Variants in IAPP observed in about 807,000 individuals in gnomAD.
IAPP encodes the protein Islet amyloid polypeptide (diabetes-associated peptide; amylin).
Under a neutral mutation model 2.9 loss-of-function variants are expected in IAPP, and 4 were observed. The ratio of observed to expected loss-of-function variants is 1.39; its 90% confidence interval spans 0.69 to 3.19. The LOEUF is 3.19. Ranked by LOEUF, IAPP falls within the 30% of genes most tolerant of loss-of-function variation. IAPP has a pLI of 0.01. For synonymous variants in IAPP, 40 were observed against 42.1 expected, an observed-to-expected ratio of 0.95 and a Z score of 0.19; for missense variants, 114 against 105.3, an observed-to-expected ratio of 1.08 and a Z score of -0.36.
intron 2 of IAPP, chr12:21,376,464 A>T (rs1940200352): frequency 5.6e-6 from 1 of 179,286 alleles, no homozygotes; most frequent in Non-Finnish European, 1.2e-5. Flanking sequence ...TATTTATGGT[A>T]CCTTCAAAAA....
intron 1 of IAPP, among the ~76,000 whole-genome samples, chr12:21,356,481 A>C (rs1342687609): frequency 3.3e-5 from 5 of 152,004 alleles, no homozygotes; most frequent in Non-Finnish European, 5.9e-5. Context: ...AGTGGGATAC[A>C]AAAGAAAAAA....
chr12:21,368,044 T>C (rs754458031), upstream of IAPP, among the ~76,000 whole-genome samples: 1 of 152,134 alleles, frequency 6.6e-6, no homozygotes, highest in Non-Finnish European at 1.5e-5. Flanking sequence ...TCAGCAAAGA[T>C]TGCTAAAACC....
rs543173463 is a variant in IAPP, at chr12:21,359,508, T to C, written c.-16+4495T>C. On this transcript the variant is annotated intron_variant, in intron 1 of 2. Transcript: ENST00000539393. The stretch of plus-strand genomic sequence containing the variant: ...TTCTTCCTACCCAATAACCTTGCAA[T>C]GAAATCCACCATTTGGCAAGCCATG... Among the ~76,000 whole-genome samples, 3 of 152,200 alleles carry C rather than the reference T, an allele frequency of 2.0e-5. No homozygotes were observed. The South Asian group carries it at 6.2e-4, about 32-fold the overall frequency.
At chr12:21,371,188 T>C (rs1043194403), upstream of IAPP, among the ~76,000 whole-genome samples, 6 of 152,166 alleles carry the variant, frequency 3.9e-5, no homozygotes, top group Admixed American at 6.6e-5. Flanking sequence ...CAGTAACTCC[T>C]GGGTGTTGTT....
chr12:21,364,743 T>A (rs1367765566), intron 1 of IAPP, among the ~76,000 whole-genome samples: 1 of 152,144 alleles, frequency 6.6e-6, no homozygotes. Context: ...AGCATTCCTA[T>A]ACACCAATAA....
upstream of IAPP, among the ~76,000 whole-genome samples, chr12:21,371,692 C>T (rs193122181): frequency 1.9e-3 from 294 of 152,038 alleles, no homozygotes; most frequent in African/African-American, 6.7e-3. Flanking sequence ...ACTAAGATAC[C>T]AAATATAATT....
chr12:21,365,958 A>G (rs911859524), intron 1 of IAPP, among the ~76,000 whole-genome samples: 1 of 152,226 alleles, frequency 6.6e-6, no homozygotes, highest in African/African-American at 2.4e-5. Flanking sequence ...GTGGGACTGT[A>G]AAGTAGTTCA....
At chr12:21,364,701 T>G (rs1043084630) in intron 1 of IAPP, among the ~76,000 whole-genome samples, 1 of 152,152 alleles carries the variant, frequency 6.6e-6, no homozygotes, top group African/African-American at 2.4e-5. Flanking sequence ...CAGCAAAATC[T>G]CAGGATACAA....
At chr12:21,360,508 T>C (rs959713163) in intron 1 of IAPP, among the ~76,000 whole-genome samples, 7 of 152,220 alleles carry the variant, frequency 4.6e-5, no homozygotes, top group South Asian at 2.1e-4. Context: ...TGGTGATTTC[T>C]GCATTTCCAA....
chr12:21,369,067 G>A (rs1412574698), upstream of IAPP, among the ~76,000 whole-genome samples: 1 of 152,086 alleles, frequency 6.6e-6, no homozygotes, highest in African/African-American at 2.4e-5. Flanking sequence ...AGGAACTACT[G>A]TGTTTATTAT....
At chr12:21,363,043 AC>A (rs1939057401) in intron 1 of IAPP, among the ~76,000 whole-genome samples, 1 of 152,212 alleles carries the variant, frequency 6.6e-6, no homozygotes, top group Admixed American at 6.5e-5. Flanking sequence ...CACCAAGCGG[AC>A]CTAATAGACA....
chr12:21,370,154 T>C (rs1041466790), upstream of IAPP, among the ~76,000 whole-genome samples: 5 of 152,170 alleles, frequency 3.3e-5, no homozygotes, highest in East Asian at 9.6e-4. Context: ...TGCTCCTGAG[T>C]AGCTCTGTAA....
chr12:21,372,094 A>C (rs1411301611), upstream of IAPP, among the ~76,000 whole-genome samples: 5 of 152,222 alleles, frequency 3.3e-5, no homozygotes, highest in Non-Finnish European at 5.9e-5. Context: ...ATCATTTTAA[A>C]AGACAAACTA....
chr12:21,378,511 A>C lies in IAPP; in HGVS notation c.*85A>C. ...CAGTGCCCTTTTCATCTCCAGTGTG[A>C]ATATATGGTCTGTGTGTCTGATGTT... On this transcript the variant is annotated 3_prime_UTR_variant, in exon 3 of 3. Transcript: ENST00000240652. 1.8e-6 allele frequency: 2 copies of C among 1,113,816 alleles called. No individual in the cohort carries two copies. The highest frequency in any genetic ancestry group is 3.4e-5 in the Admixed American group (2 of 58,062). The allele number at this position is 1,113,816 out of a possible 1,614,324, so 69.0% of individuals were successfully genotyped here. A position where few individuals can be genotyped will look rare whatever the true frequency, so the allele number is the denominator to read the frequency against.
At chr12:21,371,935 C>T (rs1413923417), upstream of IAPP, among the ~76,000 whole-genome samples, 1 of 150,908 alleles carries the variant, frequency 6.6e-6, no homozygotes, top group African/African-American at 2.4e-5. Flanking sequence ...CCGGGAGGCA[C>T]AGGTTACAGT....
upstream of IAPP, among the ~76,000 whole-genome samples, chr12:21,369,994 C>T (rs373662900): frequency 9.2e-5 from 14 of 152,264 alleles, no homozygotes; most frequent in East Asian, 2.5e-3. Flanking sequence ...CATAAGGTCA[C>T]ATCTGGCTAT....
chr12:21,367,284 G>A (rs1308641003), intron 1 of IAPP, among the ~76,000 whole-genome samples: 3 of 152,134 alleles, frequency 2.0e-5, no homozygotes, highest in Non-Finnish European at 4.4e-5. Flanking sequence ...AGCTACTGCA[G>A]TATATGTTCC....
chr12:21,374,361 C>CT (rs1940030673), intron 2 of IAPP: 1 of 152,276 alleles, frequency 6.6e-6, no homozygotes, highest in South Asian at 2.1e-4. Context: ...TGGGACTGAA[C>CT]TTACACACTC....
intron 1 of IAPP, among the ~76,000 whole-genome samples, chr12:21,356,119 A>G (rs2137028584): frequency 6.6e-6 from 1 of 152,234 alleles, no homozygotes; most frequent in Non-Finnish European, 1.5e-5. Flanking sequence ...TCACAGCTCT[A>G]TAAGTAACTA....
Sources: allele counts gnomAD v4.1 joint callset (sites outside exome capture counted in the v4.1 genomes callset), GRCh38; gene constraint gnomAD v4.1.1; transcripts MANE v1.5; gene names NCBI Gene and HGNC (gene_info 2026-07-23, HGNC 2026-07-21).